The following BMP5 variants were observed in gnomAD, a reference collection of about 807,000 sequenced individuals.
BMP5 encodes bone morphogenetic protein 5.
A neutral mutation model predicts 46.6 loss-of-function variants in BMP5; 23 were observed. The observed-to-expected ratio is 0.49, with a 90% CI of 0.35 to 0.70. The LOEUF is 0.70. BMP5 is among the 30% of genes least tolerant of loss of function. The pLI, the probability that BMP5 is intolerant of heterozygous loss-of-function variation, is 0.00. For missense variants in BMP5, 545 were observed against 565.6 expected, an observed-to-expected ratio of 0.96 and a Z score of 0.37; for synonymous variants, 204 against 191.9, an observed-to-expected ratio of 1.06 and a Z score of -0.52.
rs1004141473 is a variant in BMP5, at chr6:55,803,069, C to T, written c.684-8642G>A. 5.4e-3 allele frequency among the ~76,000 whole-genome samples: 798 copies of T among 146,890 alleles called. 16 individuals carry two copies. The highest frequency in any genetic ancestry group is 1.4e-3 in the Non-Finnish European group (91 of 67,394). On this transcript the variant is annotated intron_variant, in intron 2 of 6. Transcript: ENST00000370830. ...GGGAGGCCAAGGTGAGCAGATTACCCGAGGTCAGGAGTTCGAGACCAGCCT... is the reference window on the plus strand; with the variant it reads ...GGGAGGCCAAGGTGAGCAGATTACCTGAGGTCAGGAGTTCGAGACCAGCCT...
chr6:55,860,671 C>G (rs1562075728), intron 1 of BMP5, among the ~76,000 whole-genome samples: 1 of 152,162 alleles, frequency 6.6e-6, no homozygotes, highest in Non-Finnish European at 1.5e-5. Context: ...TTAGCTACTT[C>G]TTGCCTTGCT....
rs1397086022 is a variant in BMP5 at position 55,874,742 on chromosome 6, T to G, written c.124A>C (p.Arg42=). 6.2e-7 allele frequency: 1 copy of G among 1,613,432 alleles called. No homozygotes were observed. The highest frequency in any genetic ancestry group is 1.3e-5 in the African/African-American group (1 of 74,842). Residue 42 remains arginine (R), a synonymous_variant, in exon 1 of 7, where the codon AGA becomes CGA. Coordinates refer to ENST00000370830, the MANE Select transcript of BMP5 (RefSeq NM_021073.4). ...TCCCGTCTTTCGTGGTTCCGTAGTC[T>G]TCTATAAATAAAACTGGAGTGAACA... ...NHVHSSFIYR[R]LRNHERREIQ... is the part of the protein sequence containing the mutation.
In BMP5 at chr6:55,809,423, T is replaced by A. The variant is rs531956337; in HGVS notation, c.683+10232A>T. Among the ~76,000 whole-genome samples, 11 of 152,246 alleles carry A rather than the reference T, an allele frequency of 7.2e-5. No homozygotes were observed. The South Asian group carries it at 2.1e-3, about 29-fold the overall frequency. On this transcript the variant is annotated intron_variant, in intron 2 of 6. Coordinates refer to ENST00000370830, the MANE Select transcript of BMP5 (RefSeq NM_021073.4). ...ATCTTCTTTAACTTTAGGAATATTT[T>A]TGATACATAATCCATAATAAAACCA...
rs546170080 is a variant in BMP5, at chr6:55,756,494, A to C, written c.1216-812T>G. 2.0e-5 allele frequency among the ~76,000 whole-genome samples: 3 copies of C among 152,088 alleles called. No individual in the cohort carries two copies. In the East Asian group the frequency reaches 5.8e-4, roughly 30 times the overall value. On this transcript the variant is annotated intron_variant, in intron 6 of 6. Coordinates refer to ENST00000370830, the MANE Select transcript of BMP5 (RefSeq NM_021073.4). ...ACTGGCAGTCTGCCTATGATTTGAA[A>C]TAATTGAGAAAAGAGCCAGAACACA...
intron 1 of BMP5, among the ~76,000 whole-genome samples, chr6:55,828,206 A>G (rs1403780553): frequency 1.3e-5 from 2 of 151,984 alleles, no homozygotes; most frequent in Non-Finnish European, 2.9e-5. Context: ...TACATGACAA[A>G]AACAGGTCAA....
intron 1 of BMP5, among the ~76,000 whole-genome samples, chr6:55,820,238 C>T (rs1366177777): frequency 7.9e-5 from 12 of 152,046 alleles, no homozygotes; most frequent in Admixed American, 5.9e-4. Context: ...GGAGAGACAG[C>T]ACAGCCATGG....
chr6:55,813,412 A>T (rs1405556817), intron 2 of BMP5, among the ~76,000 whole-genome samples: 1 of 151,960 alleles, frequency 6.6e-6, no homozygotes, highest in African/African-American at 2.4e-5. Flanking sequence ...AAAATAGTAT[A>T]ATAATGTATA....
intron 2 of BMP5, among the ~76,000 whole-genome samples, chr6:55,805,634 A>T (rs1056427421): frequency 1.3e-5 from 2 of 152,180 alleles, no homozygotes; most frequent in African/African-American, 4.8e-5. Context: ...TCCTTGAGGA[A>T]TCGGCACATT....
chr6:55,850,009 A>G (rs992503125), intron 1 of BMP5, among the ~76,000 whole-genome samples: 1 of 152,094 alleles, frequency 6.6e-6, no homozygotes, highest in Non-Finnish European at 1.5e-5. Context: ...CATACATAGT[A>G]TCTTTCAAGG....
intron 1 of BMP5, among the ~76,000 whole-genome samples, chr6:55,869,748 T>G (rs1334479437): frequency 6.6e-6 from 1 of 152,122 alleles, no homozygotes; most frequent in Non-Finnish European, 1.5e-5. Context: ...GAGAAACAAT[T>G]ACAGGGGATG....
intron 2 of BMP5, among the ~76,000 whole-genome samples, chr6:55,802,983 A>G (rs1775886238): frequency 6.6e-6 from 1 of 151,908 alleles, no homozygotes; most frequent in Admixed American, 6.6e-5. Flanking sequence ...TTGCTATTAC[A>G]TTTTTTATAA....
At chr6:55,797,872 T>C (rs983671219) in intron 2 of BMP5, among the ~76,000 whole-genome samples, 1 of 152,176 alleles carries the variant, frequency 6.6e-6, no homozygotes, top group African/African-American at 2.4e-5. Flanking sequence ...CACCTCGGCC[T>C]CCCAAAGTGC....
intron 2 of BMP5, among the ~76,000 whole-genome samples, chr6:55,797,229 G>A (rs760744241): frequency 2.6e-5 from 4 of 152,154 alleles, no homozygotes; most frequent in Non-Finnish European, 5.9e-5. Context: ...TTATTTTGAA[G>A]TATAAAATTT....
At chr6:55,873,087 G>A (rs1055098830) in intron 1 of BMP5, among the ~76,000 whole-genome samples, 11 of 151,850 alleles carry the variant, frequency 7.2e-5, no homozygotes, top group Non-Finnish European at 1.2e-4. Flanking sequence ...TAAAACGTAC[G>A]ATTTATTAAG....
chr6:55,852,930 G>A (rs9296804), intron 1 of BMP5, among the ~76,000 whole-genome samples: 67,386 of 151,644 alleles, frequency 0.44, 15,404 homozygotes, highest in Middle Eastern at 0.59. Flanking sequence ...AGGAGATCGA[G>A]ACCATCCTGG....
chr6:55,810,407 T>C (rs995094186), intron 2 of BMP5, among the ~76,000 whole-genome samples: 1 of 152,196 alleles, frequency 6.6e-6, no homozygotes, highest in Non-Finnish European at 1.5e-5. Flanking sequence ...ATTTTTTTAA[T>C]TGCCAAGACA....
At chr6:55,826,451 G>T (rs1259354831) in intron 1 of BMP5, among the ~76,000 whole-genome samples, 1 of 151,444 alleles carries the variant, frequency 6.6e-6, no homozygotes, top group African/African-American at 2.4e-5. Context: ...ATATAATTTT[G>T]AAAATTAAGA....
intron 1 of BMP5, among the ~76,000 whole-genome samples, chr6:55,852,038 T>C (rs546463936): frequency 2.6e-5 from 4 of 152,144 alleles, no homozygotes; most frequent in Non-Finnish European, 5.9e-5. Flanking sequence ...AGTATTGTTT[T>C]TATATGCCAA....
intron 1 of BMP5, among the ~76,000 whole-genome samples, chr6:55,829,363 T>G (rs909618919): frequency 1.3e-5 from 2 of 151,852 alleles, no homozygotes; most frequent in African/African-American, 4.8e-5. Flanking sequence ...TTTCAGATTT[T>G]TTTTTATTGT....
Sources: allele counts gnomAD v4.1 joint callset (sites outside exome capture counted in the v4.1 genomes callset), GRCh38; gene constraint gnomAD v4.1.1; transcripts MANE v1.5; gene names NCBI Gene and HGNC (gene_info 2026-07-23, HGNC 2026-07-21).